The following CUX1 variants were observed in gnomAD, a reference collection of about 807,000 sequenced individuals.
CUX1 encodes the protein cut like homeobox 1.
In CUX1, 31 loss-of-function variants were observed where a neutral mutation model predicts 158.8. The ratio of observed to expected loss-of-function variants is 0.20; its 90% CI spans 0.15 to 0.26. CUX1 has a LOEUF of 0.26. Among genes scored for constraint, CUX1 ranks in the 10% least tolerant of loss-of-function variants. The pLI, the probability that CUX1 is intolerant of heterozygous loss-of-function variation, is 1.00. For missense variants in CUX1, 1,589 were observed against 2,014.6 expected, an observed-to-expected ratio of 0.79 and a Z score of 4.04; for synonymous variants, 879 against 862.1, an observed-to-expected ratio of 1.02 and a Z score of -0.34.
At chr7:101,974,253 C>T (rs997245058) in intron 2 of CUX1, among the ~76,000 whole-genome samples, 8 of 152,120 alleles carry the variant, frequency 5.3e-5, no homozygotes, top group Admixed American at 1.3e-4. Flanking sequence ...ATGACTTGAC[C>T]ATGACTGAGG....
chr7:101,833,205 A>G (rs542421151), intron 1 of CUX1, among the ~76,000 whole-genome samples: 6 of 151,198 alleles, frequency 4.0e-5, no homozygotes, highest in Non-Finnish European at 8.9e-5. Context: ...GTTCAAGACC[A>G]GCCTGGGCAG....
chr7:102,230,137 G>T (rs1294294015), intron 21 of CUX1, among the ~76,000 whole-genome samples: 2 of 152,152 alleles, frequency 1.3e-5, no homozygotes, highest in East Asian at 3.9e-4. Context: ...GAAAGGCCTT[G>T]TGTGTCTTTT....
At position 101,913,372 on chromosome 7, in the gene CUX1, C is replaced by T. The variant is rs902040260; in HGVS notation, c.31-2743C>T. 3.8e-5 allele frequency: 48 copies of T among 1,268,332 alleles called. 1 individual carries two copies. The Middle Eastern group carries it at 1.3e-3, about 34-fold the overall frequency. The allele number at this position is 1,268,332 out of a possible 1,614,324, so 78.6% of individuals were successfully genotyped here. On this transcript the variant is annotated intron_variant, in intron 1 of 23. Coordinates refer to ENST00000292535, the MANE Select transcript of CUX1 (RefSeq NM_181552.4). ...CGGGGAAGGGAGGGCCGCAGACCCC[C>T]GTTGAGTCCCCGACTGCCAGCAGCA...
At chr7:102,178,880 T>G (rs1210641700) in intron 11 of CUX1, among the ~76,000 whole-genome samples, 1 of 152,200 alleles carries the variant, frequency 6.6e-6, no homozygotes, top group African/African-American at 2.4e-5. Flanking sequence ...CTCTTTTTTT[T>G]TGGAGTCGGA....
At chr7:102,051,153 G>A (rs754470531) in intron 3 of CUX1, among the ~76,000 whole-genome samples, 2 of 152,046 alleles carry the variant, frequency 1.3e-5, no homozygotes, top group Admixed American at 6.6e-5. Flanking sequence ...TCCAAGGCAC[G>A]GCAGGTCCCT....
At chr7:101,895,306 G>C (rs1801352762) in intron 1 of CUX1, among the ~76,000 whole-genome samples, 1 of 152,118 alleles carries the variant, frequency 6.6e-6, no homozygotes, top group Admixed American at 6.5e-5. Flanking sequence ...CTAGAGTTTT[G>C]TAGCTCCTCA....
intron 2 of CUX1, among the ~76,000 whole-genome samples, chr7:102,014,968 C>T (rs796522919): frequency 1.8e-4 from 28 of 152,196 alleles, no homozygotes; most frequent in African/African-American, 6.3e-4. Flanking sequence ...ACCCTGCCTC[C>T]GTGTCCACCA....
chr7:102,189,917 A>G, intron 12 of CUX1, 46 bp downstream of exon 12: 1 of 1,598,290 alleles, frequency 6.3e-7, no homozygotes, highest in Non-Finnish European at 8.6e-7. Flanking sequence ...GGGGCGCATT[A>G]GGGCCATCTG....
chr7:102,163,776 G>C (rs1441147226), intron 9 of CUX1, among the ~76,000 whole-genome samples: 6 of 152,146 alleles, frequency 3.9e-5, no homozygotes, highest in Admixed American at 3.3e-4. Context: ...CAGGTGGCAG[G>C]CATCTGGACC....
chr7:101,876,348 A>C (rs1164076715), intron 1 of CUX1, among the ~76,000 whole-genome samples: 6 of 151,250 alleles, frequency 4.0e-5, no homozygotes, highest in Non-Finnish European at 7.4e-5. Context: ...AAAACAAAAA[A>C]AAAACCTGAT....
In CUX1 at chr7:102,249,160, C is replaced by T; in HGVS notation, c.*118C>T. 5.2e-6 allele frequency: 6 copies of T among 1,145,598 alleles called. No individual in the cohort carries two copies. Among genetic ancestry groups the T allele is most frequent in the African/African-American group, 1.6e-5 (1 of 60,798 alleles). 71.0% of individuals were successfully genotyped at this position (1,145,598 alleles called of 1,614,324 possible). Reference sequence around the variant, plus strand: ...CTTGGCCCGCGGCCTGCACCGACCCCGGGCCGGACCTGAGCCCGCAGCCCA... The same window carrying T: ...CTTGGCCCGCGGCCTGCACCGACCCTGGGCCGGACCTGAGCCCGCAGCCCA... On this transcript the variant is annotated 3_prime_UTR_variant, in exon 24 of 24. Transcript: ENST00000292535.
chr7:102,260,570 C>CTTTT (rs55642237), downstream of CUX1, among the ~76,000 whole-genome samples: 14 of 51,058 alleles, frequency 2.7e-4, no homozygotes, highest in African/African-American at 3.3e-4. Context: ...CCACACCTGG[C>CTTTT]TTTTTTTTTT....
In CUX1 at chr7:102,221,104, C is replaced by T. The variant is rs939252007; in HGVS notation, c.3131-6263C>T. Among the ~76,000 whole-genome samples the T allele has an allele frequency of 3.9e-5, 6 of 152,178 alleles. 1 individual carries two copies. Among genetic ancestry groups the T allele is most frequent in the South Asian group, 4.1e-4 (2 of 4,826 alleles). On this transcript the variant is annotated intron_variant, in intron 20 of 23. Transcript: ENST00000292535. ...CCCTCCTTCCACCCGCCCTTCCATA[C>T]GTGTCTGTCTGTATAGTCATTGGAA...
chr7:102,121,408 C>T (rs1554493472), intron 8 of CUX1, among the ~76,000 whole-genome samples: 8 of 151,144 alleles, frequency 5.3e-5, no homozygotes, highest in African/African-American at 1.2e-4. Flanking sequence ...TGCAGTGGCA[C>T]GATCTTGGCT....
intron 20 of CUX1, chr7:102,280,937 G>A: frequency 1.4e-6 from 2 of 1,409,260 alleles, no homozygotes; most frequent in African/African-American, 1.4e-5. Flanking sequence ...CACCTGCCCT[G>A]CAGCCCAGGC....
rs138907546 is a variant in CUX1 at position 101,824,165 on chromosome 7, G to A, written c.30+6496G>A. On this transcript the variant is annotated intron_variant, in intron 1 of 23. Coordinates refer to ENST00000292535, the MANE Select transcript of CUX1 (RefSeq NM_181552.4). Reference sequence around the variant, plus strand: ...TGCAGTGGCACAAACTCCGCTCACCGCAACCTCCACCTCCCAGGTTCAAGT... The same window carrying A: ...TGCAGTGGCACAAACTCCGCTCACCACAACCTCCACCTCCCAGGTTCAAGT... 3.3e-4 allele frequency among the ~76,000 whole-genome samples: 50 copies of A among 152,270 alleles called. No homozygotes were observed. The East Asian group carries it at 8.9e-3, about 27-fold the overall frequency.
chr7:102,242,827 C>T (rs1475998972), intron 23 of CUX1, among the ~76,000 whole-genome samples: 1 of 152,156 alleles, frequency 6.6e-6, no homozygotes, highest in African/African-American at 2.4e-5. Context: ...GACAGTCATA[C>T]CCGTCACACT....
intron 1 of CUX1, among the ~76,000 whole-genome samples, chr7:101,882,018 AAAAT>A (rs1176351289): frequency 6.5e-5 from 3 of 46,358 alleles, no homozygotes; most frequent in Admixed American, 5.9e-4. Flanking sequence ...TCTCTACCCA[AAAAT>A]AAAAAAAAAA....
chr7:102,047,506 GGGAA>G (rs1254647649), intron 3 of CUX1, among the ~76,000 whole-genome samples: 1 of 143,302 alleles, frequency 7.0e-6, no homozygotes, highest in Non-Finnish European at 1.6e-5. Flanking sequence ...GAGGGAGGGA[GGGAA>G]GGAGGGAGGG....
Sources: allele counts gnomAD v4.1 joint callset (sites outside exome capture counted in the v4.1 genomes callset), GRCh38; gene constraint gnomAD v4.1.1; transcripts MANE v1.5; gene names NCBI Gene and HGNC (gene_info 2026-07-23, HGNC 2026-07-21).